Variants in WDR47 observed in about 807,000 individuals in gnomAD.
WDR47 encodes the protein WD repeat-containing protein 47.
A neutral mutation model predicts 97.2 loss-of-function variants in WDR47; 32 were observed. That is an observed-to-expected ratio of 0.33 (90% CI 0.25 to 0.44). WDR47 has a LOEUF of 0.44. Ranked by LOEUF, WDR47 falls within the 20% of genes least tolerant of loss-of-function variation. The probability of loss-of-function intolerance (pLI) is 1.00; values close to 1 mark genes in which losing one functional copy is unlikely to be tolerated. For synonymous variants in WDR47, 375 were observed against 373.5 expected (o/e 1.00, Z -0.05); for missense variants, 782 against 1,102.3 (o/e 0.71, Z 4.11).
intron 1 of WDR47, among the ~76,000 whole-genome samples, chr1:109,036,267 T>G (rs1360449563): frequency 6.6e-6 from 1 of 151,894 alleles, no homozygotes; most frequent in African/African-American, 2.4e-5. Flanking sequence ...TATCTGTTAA[T>G]CCCCCTCCTA....
intron 13 of WDR47, among the ~76,000 whole-genome samples, chr1:108,980,807 G>A (rs963911216): frequency 6.6e-6 from 1 of 151,948 alleles, no homozygotes; most frequent in Non-Finnish European, 1.5e-5. Context: ...AGAATACTGT[G>A]TCACTCTTAG....
chr1:109,015,612 G>A (rs1259111529), intron 3 of WDR47, among the ~76,000 whole-genome samples: 1 of 151,894 alleles, frequency 6.6e-6, no homozygotes, highest in African/African-American at 2.4e-5. Flanking sequence ...ACAGGCGTGA[G>A]CCACCACGCC....
At chr1:108,975,485 G>A (rs1657816805) in intron 13 of WDR47, among the ~76,000 whole-genome samples, 1 of 151,772 alleles carries the variant, frequency 6.6e-6, no homozygotes, top group Non-Finnish European at 1.5e-5. Context: ...GCCGAACGGA[G>A]TGGCACGTGC....
chr1:109,037,270 G>A (rs1406432615), intron 1 of WDR47, among the ~76,000 whole-genome samples: 8 of 151,308 alleles, frequency 5.3e-5, no homozygotes, highest in East Asian at 3.9e-4. Context: ...CAGAGGTTGC[G>A]GTGAGCCGAC....
At chr1:109,023,843 G>C (rs1463549640) in intron 1 of WDR47, among the ~76,000 whole-genome samples, 1 of 152,180 alleles carries the variant, frequency 6.6e-6, no homozygotes, top group Non-Finnish European at 1.5e-5. Context: ...TATGGTTACT[G>C]AAGCAGGGTA....
At chr1:109,007,567 CA>C (rs1660718708) in intron 5 of WDR47, among the ~76,000 whole-genome samples, 1 of 152,184 alleles carries the variant, frequency 6.6e-6, no homozygotes, top group African/African-American at 2.4e-5. Flanking sequence ...CACAGCATTT[CA>C]TTAGTAGTCC....
At chr1:108,993,804 C>T (rs1008073523) in intron 8 of WDR47, among the ~76,000 whole-genome samples, 2 of 149,540 alleles carry the variant, frequency 1.3e-5, no homozygotes, top group Non-Finnish European at 2.9e-5. Flanking sequence ...AAAGCACTTA[C>T]AGATAGTTTA....
At chr1:108,986,806 T>C (rs1238019131) in intron 9 of WDR47, 126 bp from the exon 10 acceptor site, 2 of 771,684 alleles carry the variant, frequency 2.6e-6, no homozygotes, top group African/African-American at 3.5e-5. Flanking sequence ...TTACTGCCAA[T>C]AACCATATAT....
At chr1:108,996,795 A>G (rs909426231) in intron 7 of WDR47, among the ~76,000 whole-genome samples, 1 of 152,206 alleles carries the variant, frequency 6.6e-6, no homozygotes, top group Non-Finnish European at 1.5e-5. Context: ...CAAAGGGCAC[A>G]AACAGGAAGC....
chr1:109,014,590 A>C (rs1661284444), intron 3 of WDR47, among the ~76,000 whole-genome samples: 1 of 151,936 alleles, frequency 6.6e-6, no homozygotes, highest in African/African-American at 2.4e-5. Flanking sequence ...GTGCCACAGC[A>C]CCCGGCCAAT....
chr1:109,004,197 G>A (rs775279357), intron 6 of WDR47, among the ~76,000 whole-genome samples: 6 of 151,766 alleles, frequency 4.0e-5, no homozygotes, highest in South Asian at 2.1e-4. Context: ...CCCGGGAGGC[G>A]GAGCTTGCAG....
intron 7 of WDR47, among the ~76,000 whole-genome samples, chr1:108,996,791 G>C (rs779989201): frequency 2.0e-5 from 3 of 152,122 alleles, no homozygotes; most frequent in Non-Finnish European, 2.9e-5. Context: ...GCTACAAAGG[G>C]CACAAACAGG....
At position 109,011,403 on chromosome 1, in the gene WDR47, CT is replaced by C; in HGVS notation, c.642del (p.Ala215GlnfsTer28). On this transcript the variant is annotated frameshift_variant, in exon 5 of 15. Transcript: ENST00000369962. LOFTEE classifies it high-confidence loss of function. Reference sequence around the variant, plus strand: ...CTTTCTGTAATTTCTTCTCCAGTTGCTTTACTCTGACAAAATTCTACACAGC... The same window carrying C: ...CTTTCTGTAATTTCTTCTCCAGTTGCTTACTCTGACAAAATTCTACACAGC... ...YECCVEFCQSKATGEEITESE... is the reference protein window; with the variant it reads ...YECCVEFCQSXATGEEITESE... The C allele has an allele frequency of 6.2e-7, 1 of 1,614,158 alleles. No individual in the cohort carries two copies. The highest frequency in any genetic ancestry group is 8.5e-7 in the Non-Finnish European group (1 of 1,180,036).
intron 9 of WDR47, 157 bp from the exon 10 acceptor site, chr1:108,986,837 T>C (rs1658868494): frequency 6.3e-6 from 4 of 634,294 alleles, no homozygotes; most frequent in Non-Finnish European, 1.0e-5. Context: ...ATGTTTTTCT[T>C]ACTTTATTAA....
In WDR47 at chr1:108,992,885, C is replaced by T. The variant is rs547177164; in HGVS notation, c.1692-1556G>A. On this transcript the variant is annotated intron_variant, in intron 8 of 14. Transcript: ENST00000369962. ...TTAAAAGGAAAAAAAAAAGTAAATC[C>T]ATAGAAAATAGAGGTGAGGAAATTG... The T allele has an allele frequency of 5.3e-6, 7 of 1,328,162 alleles. No individual in the cohort carries two copies. In the South Asian group the frequency reaches 8.7e-5, roughly 17 times the overall value. The allele number at this position is 1,328,162 out of a possible 1,614,324, so 82.3% of individuals were successfully genotyped here.
chr1:109,039,069 T>A (rs926789694), intron 1 of WDR47, among the ~76,000 whole-genome samples: 1 of 152,060 alleles, frequency 6.6e-6, no homozygotes, highest in Non-Finnish European at 1.5e-5. Context: ...ATGAAGAAAC[T>A]CCTACTTGTG....
chr1:108,973,870 G>A (rs917474174), intron 14 of WDR47, among the ~76,000 whole-genome samples: 2 of 126,828 alleles, frequency 1.6e-5, no homozygotes, highest in African/African-American at 3.0e-5. Context: ...GTGAAAGAGT[G>A]AGACCCTGCC....
At chr1:109,034,510 G>C (rs1344550488) in intron 1 of WDR47, among the ~76,000 whole-genome samples, 1 of 152,136 alleles carries the variant, frequency 6.6e-6, no homozygotes, top group Admixed American at 6.6e-5. Flanking sequence ...GACCAATACT[G>C]ATCCACAGCC....
chr1:108,971,161 T>G lies in WDR47; in HGVS notation c.*269A>C, dbSNP rs1481406913. The G allele has an allele frequency of 2.6e-6, 1 of 383,424 alleles. No homozygotes were observed. The highest frequency in any genetic ancestry group is 4.7e-6 in the Non-Finnish European group (1 of 211,964). The allele number at this position is 383,424 out of a possible 1,614,324, so 23.8% of individuals were successfully genotyped here. ...ACACATTGTCCATCCTGACTTGGAG[T>G]GCACACCAACAACTGAAGAGCTCTT... On this transcript the variant is annotated 3_prime_UTR_variant, in exon 15 of 15. Transcript: ENST00000369962.
Sources: allele counts gnomAD v4.1 joint callset (sites outside exome capture counted in the v4.1 genomes callset), GRCh38; gene constraint gnomAD v4.1.1; transcripts MANE v1.5; gene names NCBI Gene and HGNC (gene_info 2026-07-23, HGNC 2026-07-21).